ACSS2: variants seen among roughly 807,000 people sequenced by gnomAD.
The protein encoded by ACSS2 is acyl-CoA synthetase short chain family member 2.
Under a neutral mutation model 90.6 loss-of-function variants are expected in ACSS2, and 58 were observed. The observed-to-expected ratio is 0.64, with a 90% confidence interval of 0.52 to 0.80. The LOEUF (loss-of-function observed/expected upper bound fraction) is 0.80, where lower values mean the gene tolerates loss of function less well. Among genes scored for constraint, ACSS2 ranks in the 30% least tolerant of loss-of-function variants. The pLI is 0.00. For missense variants in ACSS2, 759 were observed against 912.0 expected (o/e 0.83, Z 2.16); for synonymous variants, 300 against 330.9 (o/e 0.91, Z 1.01).
At chr20:34,891,476 GTTTA>G (rs906707344) in intron 2 of ACSS2, among the ~76,000 whole-genome samples, 1 of 152,084 alleles carries the variant, frequency 6.6e-6, no homozygotes, top group African/African-American at 2.4e-5. Context: ...GGAGGATTTT[GTTTA>G]TTTATTTATT....
chr20:34,920,453 A>T (rs2081171674), intron 8 of ACSS2, 86 bp from the exon 9 acceptor site: 1 of 1,373,614 alleles, frequency 7.3e-7, no homozygotes, highest in Non-Finnish European at 9.9e-7. Flanking sequence ...CCTGAGGAGG[A>T]TCTTCCTCCA....
chr20:34,925,893 C>A, intron 15 of ACSS2, 127 bp downstream of exon 15: 1 of 1,199,502 alleles, frequency 8.3e-7, no homozygotes, highest in South Asian at 1.4e-5. Context: ...GCATTCAGTT[C>A]TGGGCCCAGG....
chr20:34,914,639 G>A (rs1234750632), intron 7 of ACSS2, among the ~76,000 whole-genome samples: 1 of 152,302 alleles, frequency 6.6e-6, no homozygotes, highest in South Asian at 2.1e-4. Flanking sequence ...CTTGTACCTT[G>A]AGAACATAGC....
chr20:34,923,139 T>C (rs1025125248), intron 13 of ACSS2, 184 bp from the exon 14 acceptor site: 22 of 552,444 alleles, frequency 4.0e-5, no homozygotes, highest in Middle Eastern at 4.7e-4. Flanking sequence ...CTCAGAGGGG[T>C]AAAGTTACTT....
chr20:34,895,594 A>T (rs117068855), intron 2 of ACSS2, among the ~76,000 whole-genome samples: 3,703 of 152,326 alleles, frequency 0.024, 65 homozygotes, highest in South Asian at 0.051. Flanking sequence ...GCTCTCCCTC[A>T]GAAGTTATAC....
intron 2 of ACSS2, among the ~76,000 whole-genome samples, chr20:34,891,572 A>G (rs2080337115): frequency 6.6e-6 from 1 of 152,142 alleles, no homozygotes; most frequent in African/African-American, 2.4e-5. Context: ...CTGAGGAAGG[A>G]GTCTGTTCCT....
chr20:34,896,247 G>T (rs1369999348), intron 2 of ACSS2, among the ~76,000 whole-genome samples: 1 of 152,196 alleles, frequency 6.6e-6, no homozygotes, highest in Non-Finnish European at 1.5e-5. Context: ...CTGGCAAGAG[G>T]ACAGGGTACA....
chr20:34,926,775 C>A, intron 16 of ACSS2, 102 bp from the exon 17 acceptor site: 1 of 1,152,182 alleles, frequency 8.7e-7, no homozygotes, highest in Non-Finnish European at 1.3e-6. Context: ...TGGGCAGGGA[C>A]TTGAGGAGGA....
upstream of ACSS2, chr20:34,876,446 T>C (rs1478133089): frequency 1.9e-5 from 9 of 482,164 alleles, no homozygotes. Context: ...ATAGTATTTC[T>C]GTCCTTGCCA....
chr20:34,923,811 C>T (rs192380861), intron 14 of ACSS2, among the ~76,000 whole-genome samples: 1 of 137,834 alleles, frequency 7.3e-6, no homozygotes, highest in Non-Finnish European at 1.6e-5. Flanking sequence ...TCCCCCCCGC[C>T]CCCCCCACCT....
At chr20:34,901,159 G>A (rs563992040) in intron 2 of ACSS2, among the ~76,000 whole-genome samples, 1 of 152,210 alleles carries the variant, frequency 6.6e-6, no homozygotes, top group Non-Finnish European at 1.5e-5. Context: ...AAGTAACCTT[G>A]AGGTCATCAC....
intron 1 of ACSS2, among the ~76,000 whole-genome samples, chr20:34,878,190 CTCCCAA>C: frequency 6.6e-6 from 1 of 152,306 alleles, no homozygotes. Flanking sequence ...CTTACTTGGC[CTCCCAA>C]AGTGCTGTGA....
At position 34,889,402 on chromosome 20, in the gene ACSS2, G is replaced by T. The variant is rs1271096530; in HGVS notation, c.374+6413G>T. Among the ~76,000 whole-genome samples the T allele has an allele frequency of 3.9e-5, 4 of 102,132 alleles. 1 individual carries two copies. Among genetic ancestry groups the T allele is most frequent in the African/African-American group, 1.3e-4 (4 of 31,274 alleles). 67.0% of individuals were successfully genotyped at this position (102,132 alleles called of 152,430 possible). A position where few individuals can be genotyped will look rare whatever the true frequency, so the allele number is the denominator to read the frequency against. On this transcript the variant is annotated intron_variant, in intron 2 of 17. Transcript: ENST00000360596. ...CTCCCAAAGTGCTGGGATTACAGGC[G>T]TGTGCCACTGCGCCTGGCCAATTTT... is the stretch of plus-strand genomic sequence containing the variant.
rs776118598 is a variant in ACSS2, at chr20:34,921,616, C to G, written c.1467+16C>G. 2.5e-6 allele frequency: 4 copies of G among 1,614,110 alleles called. No individual in the cohort carries two copies. Among genetic ancestry groups the G allele is most frequent in the South Asian group, 2.2e-5 (2 of 91,086 alleles). On this transcript the variant is annotated intron_variant, in intron 12 of 17. Transcript: ENST00000360596. ...CGGTTCTGCTGTGAGTGATGCTTCCCTGGCTGGTCTTGGGCTAGGCAGGGA... is the reference window on the plus strand; with the variant it reads ...CGGTTCTGCTGTGAGTGATGCTTCCGTGGCTGGTCTTGGGCTAGGCAGGGA...
chr20:34,897,362 C>T (rs2080489452), intron 2 of ACSS2, among the ~76,000 whole-genome samples: 1 of 152,182 alleles, frequency 6.6e-6, no homozygotes, highest in South Asian at 2.1e-4. Flanking sequence ...TTTCATTTTC[C>T]CCCAACTTCT....
intron 1 of ACSS2, among the ~76,000 whole-genome samples, chr20:34,877,831 A>T (rs7509556): frequency 0.5 from 65,681 of 130,316 alleles, 17,080 homozygotes; most frequent in South Asian, 0.7. Context: ...AAAAAAAAAA[A>T]AAAAAAAAAA....
Position 34,876,677 on chromosome 20 carries a change from G to A in ACSS2, c.32G>A (p.Gly11Asp), listed in dbSNP as rs1376745535. Reference sequence around the variant, plus strand: ...CTTCCTGAGGAGCGGGTCCGGAGCGGCAGCGGGAGCCGGGGCCAGGAGGAA... The same window carrying A: ...CTTCCTGAGGAGCGGGTCCGGAGCGACAGCGGGAGCCGGGGCCAGGAGGAA... MGLPEERVRS[G>D]SGSRGQEEAG... is the part of the protein sequence containing the mutation. Residue 11 changes from glycine (G) to aspartate (D), a missense_variant, in exon 1 of 18, where the codon GGC becomes GAC. By Grantham distance (94) the Gly-to-Asp change is moderately conservative (BLOSUM62 -1). Coordinates refer to ENST00000360596, the MANE Select transcript of ACSS2 (RefSeq NM_018677.4). 7.1e-6 allele frequency: 10 copies of A among 1,411,268 alleles called. No individual in the cohort carries two copies. The South Asian group carries it at 1.4e-4, about 19-fold the overall frequency. The allele number at this position is 1,411,268 out of a possible 1,614,324, so 87.4% of individuals were successfully genotyped here.
Position 34,913,419 on chromosome 20 carries a change from A to G in ACSS2, c.493A>G (p.Ile165Val), listed in dbSNP as rs764326377. 6.2e-7 allele frequency: 1 copy of G among 1,614,060 alleles called. No homozygotes were observed. The highest frequency in any genetic ancestry group is 8.5e-7 in the Non-Finnish European group (1 of 1,179,996). ...QGIQKGDRVA[I>V]YMPMIPELVV... is the part of the protein sequence containing the mutation. ...CATTCAGAAGGGGGACCGAGTGGCC[A>G]TCTACATGCCTATGATCCCAGAGCT... Residue 165 changes from isoleucine to valine, a missense_variant, in exon 4 of 18, where the codon ATC (isoleucine) becomes GTC (valine). Physicochemically the swap from Ile to Val is conservative, Grantham distance 29. Coordinates refer to ENST00000360596, the MANE Select transcript of ACSS2 (RefSeq NM_018677.4).
intron 2 of ACSS2, among the ~76,000 whole-genome samples, chr20:34,884,082 A>AC (rs2080132845): frequency 6.6e-6 from 1 of 152,268 alleles, no homozygotes; most frequent in East Asian, 1.9e-4. Context: ...AGTAGGTGGG[A>AC]CTACAGACAT....
Sources: allele counts gnomAD v4.1 joint callset (sites outside exome capture counted in the v4.1 genomes callset), GRCh38; gene constraint gnomAD v4.1.1; transcripts MANE v1.5; gene names NCBI Gene and HGNC (gene_info 2026-07-23, HGNC 2026-07-21).